Variants in GLIS3 observed in about 807,000 individuals in gnomAD.
GLIS3 encodes the protein GLIS family zinc finger 3, also known as zinc finger protein GLIS3.
Under a neutral mutation model 78.6 loss-of-function variants are expected in GLIS3, and 53 were observed. The observed-to-expected ratio is 0.67, with a 90% CI of 0.54 to 0.85. The LOEUF (loss-of-function observed/expected upper bound fraction) is 0.85, where lower values mean the gene tolerates loss of function less well. Ranked by LOEUF, GLIS3 falls within the 40% of genes least tolerant of loss-of-function variation. GLIS3 has a pLI of 0.00. For synonymous variants in GLIS3, 684 were observed against 509.9 expected, an observed-to-expected ratio of 1.34 and a Z score of -4.60; for missense variants, 1,703 against 1,231.1, an observed-to-expected ratio of 1.38 and a Z score of -5.74.
At chr9:4,104,888 A>G (rs149898322) in intron 4 of GLIS3, among the ~76,000 whole-genome samples, 38 of 152,324 alleles carry the variant, frequency 2.5e-4, no homozygotes, top group African/African-American at 8.9e-4. Context: ...TAGAAGAGAG[A>G]CTGGCATGAA....
intron 2 of GLIS3, among the ~76,000 whole-genome samples, chr9:4,215,292 C>T (rs1044075553): frequency 1.3e-5 from 2 of 151,554 alleles, no homozygotes; most frequent in Non-Finnish European, 2.9e-5. Context: ...ACAGTTTTGC[C>T]TGTGAGGGGA....
chr9:4,002,903 A>T (rs534933592), intron 4 of GLIS3, among the ~76,000 whole-genome samples: 1 of 152,332 alleles, frequency 6.6e-6, no homozygotes, highest in East Asian at 1.9e-4. Context: ...ACCATGAGGC[A>T]AAGGTCAAGA....
chr9:4,116,618 C>G (rs77212163), intron 4 of GLIS3, among the ~76,000 whole-genome samples: 2 of 152,144 alleles, frequency 1.3e-5, no homozygotes, highest in Non-Finnish European at 2.9e-5. Flanking sequence ...AATAAGAAAC[C>G]TTGGCCAATC....
intron 2 of GLIS3, among the ~76,000 whole-genome samples, chr9:4,167,162 A>T (rs1468969753): frequency 1.3e-5 from 2 of 152,190 alleles, no homozygotes; most frequent in Non-Finnish European, 2.9e-5. Context: ...CAAAGAGGAT[A>T]AGGGAGTTGC....
intron 2 of GLIS3, among the ~76,000 whole-genome samples, chr9:4,252,364 A>C (rs957406050): frequency 5.3e-5 from 8 of 151,970 alleles, no homozygotes; most frequent in Admixed American, 5.2e-4. Context: ...GTTGATCTTT[A>C]ATCTCTGACA....
chr9:4,230,022 C>G (rs1201821015), intron 2 of GLIS3, among the ~76,000 whole-genome samples: 5 of 152,144 alleles, frequency 3.3e-5, no homozygotes, highest in Non-Finnish European at 7.3e-5. Flanking sequence ...GAGGAAAGGA[C>G]AGGAGACAGC....
At chr9:3,873,439 A>G (rs965726076) in intron 8 of GLIS3, among the ~76,000 whole-genome samples, 5 of 152,240 alleles carry the variant, frequency 3.3e-5, no homozygotes, top group African/African-American at 9.6e-5. Context: ...AATGGGATAT[A>G]TAACATCAAG....
intron 6 of GLIS3, among the ~76,000 whole-genome samples, chr9:3,916,331 C>G (rs1426286496): frequency 6.6e-6 from 1 of 152,248 alleles, no homozygotes; most frequent in Non-Finnish European, 1.5e-5. Flanking sequence ...TACCTCCCCA[C>G]TGGGGGACCA....
intron 8 of GLIS3, among the ~76,000 whole-genome samples, chr9:3,870,034 G>A (rs1820870183): frequency 2.0e-5 from 3 of 152,044 alleles, no homozygotes; most frequent in African/African-American, 4.8e-5. Flanking sequence ...ATTAAGACAC[G>A]GAAAAAAGGA....
chr9:3,981,919 G>A (rs1157030520), intron 4 of GLIS3, among the ~76,000 whole-genome samples: 1 of 152,094 alleles, frequency 6.6e-6, no homozygotes, highest in Non-Finnish European at 1.5e-5. Context: ...AGCTTTGGCA[G>A]GCTCTAAGCT....
chr9:4,008,767 C>T (rs982899809), intron 4 of GLIS3, among the ~76,000 whole-genome samples: 1 of 152,196 alleles, frequency 6.6e-6, no homozygotes, highest in Non-Finnish European at 1.5e-5. Flanking sequence ...CAATTGAACT[C>T]TAAAGCCAGT....
At chr9:4,076,931 T>C (rs1003183918) in intron 4 of GLIS3, among the ~76,000 whole-genome samples, 3 of 152,156 alleles carry the variant, frequency 2.0e-5, no homozygotes, top group Admixed American at 6.5e-5. Context: ...TGGAAGCACA[T>C]GCCTGTAGTC....
intron 6 of GLIS3, among the ~76,000 whole-genome samples, chr9:3,910,314 G>A (rs949974464): frequency 2.6e-5 from 4 of 151,984 alleles, no homozygotes; most frequent in African/African-American, 9.7e-5. Context: ...CCTCTTAGTG[G>A]GTTTTTCTCT....
chr9:4,406,561 G>T, the GLIS3 span, among the ~76,000 whole-genome samples: 1 of 152,056 alleles, frequency 6.6e-6, no homozygotes, highest in African/African-American at 2.4e-5. Flanking sequence ...AAACACTAAA[G>T]AGGCCATCAA....
chr9:3,879,642 C>A, intron 7 of GLIS3, 47 bp from the exon 8 acceptor site: 1 of 1,605,736 alleles, frequency 6.2e-7, no homozygotes, highest in Non-Finnish European at 8.5e-7. Flanking sequence ...CAAAGGAAGC[C>A]CACGTTTTTT....
chr9:4,404,760 AAAG>A, the GLIS3 span, among the ~76,000 whole-genome samples: 2 of 152,220 alleles, frequency 1.3e-5, no homozygotes, highest in Non-Finnish European at 2.9e-5. Flanking sequence ...CTACATCAAA[AAAG>A]AAGAAAAGCT....
At chr9:3,848,290 C>G (rs983506606) in intron 9 of GLIS3, among the ~76,000 whole-genome samples, 1 of 152,080 alleles carries the variant, frequency 6.6e-6, no homozygotes, top group African/African-American at 2.4e-5. Flanking sequence ...CACCTGGGCT[C>G]GGGAGTTCAA....
chr9:4,328,689 TGTGACCTTGG>T (rs1817638505), intron 2 of GLIS3, among the ~76,000 whole-genome samples: 1 of 152,224 alleles, frequency 6.6e-6, no homozygotes, highest in Non-Finnish European at 1.5e-5. Context: ...CTCTATAGCT[TGTGACCTTGG>T]GTGAATTTCT....
upstream of GLIS3, among the ~76,000 whole-genome samples, chr9:4,303,697 C>A (rs1316234814): frequency 1.3e-5 from 2 of 152,176 alleles, no homozygotes; most frequent in Admixed American, 1.3e-4. Context: ...CATACAATAT[C>A]TCTCAATCTT....
Sources: gnomAD v4.1 joint callset for allele counts (sites outside exome capture counted in the v4.1 genomes callset) on GRCh38, gnomAD v4.1.1 for gene constraint, MANE v1.5 for transcripts, NCBI Gene and HGNC (gene_info 2026-07-23, HGNC 2026-07-21) for gene names.